USP49: variants seen among roughly 807,000 people sequenced by gnomAD.
USP49 encodes the protein ubiquitin carboxyl-terminal hydrolase 49.
A neutral mutation model predicts 58.6 loss-of-function variants in USP49; 24 were observed. That is an observed-to-expected ratio of 0.41 (90% CI 0.30 to 0.58). USP49 has a LOEUF of 0.58. USP49 is among the 20% of genes least tolerant of loss of function. USP49 has a pLI of 0.30. For synonymous variants in USP49, 408 were observed against 365.1 expected, an observed-to-expected ratio of 1.12 and a Z score of -1.34; for missense variants, 703 against 866.1, an observed-to-expected ratio of 0.81 and a Z score of 2.36.
Position 41,843,407 on chromosome 6 carries a change from A to G in USP49, c.-29+28157T>C, listed in dbSNP as rs138379911. The stretch of plus-strand genomic sequence containing the variant: ...CATCACGTTGGCTTTGTGTATAAGC[A>G]TTGCGTATGTCGGAAAAAAAGGTCG... On this transcript the variant is annotated intron_variant, in intron 3 of 7. Coordinates refer to ENST00000682992, the MANE Select transcript of USP49 (RefSeq NM_001286554.2). 3.2e-4 allele frequency among the ~76,000 whole-genome samples: 49 copies of G among 152,324 alleles called. No individual in the cohort carries two copies. In the East Asian group the frequency reaches 7.7e-3, roughly 24 times the overall value.
intron 3 of USP49, among the ~76,000 whole-genome samples, chr6:41,836,321 T>C (rs565773605): frequency 2.6e-5 from 4 of 152,286 alleles, no homozygotes; most frequent in Non-Finnish European, 5.9e-5. Flanking sequence ...AAATTCAACA[T>C]TGCTTCATGT....
At chr6:41,844,136 G>A (rs954120039) in intron 3 of USP49, among the ~76,000 whole-genome samples, 5 of 151,972 alleles carry the variant, frequency 3.3e-5, no homozygotes, top group Non-Finnish European at 5.9e-5. Flanking sequence ...CACAAGAACC[G>A]CTTAAACTCA....
intron 3 of USP49, among the ~76,000 whole-genome samples, chr6:41,833,181 G>A (rs563553616): frequency 7.3e-5 from 11 of 150,578 alleles, no homozygotes; most frequent in African/African-American, 2.2e-4. Flanking sequence ...CATGCCCGGC[G>A]AATTTTTTGT....
At chr6:41,857,258 G>A (rs1774146646) in intron 3 of USP49, among the ~76,000 whole-genome samples, 1 of 152,140 alleles carries the variant, frequency 6.6e-6, no homozygotes, top group South Asian at 2.1e-4. Flanking sequence ...GGAAGTAAAG[G>A]GAAAACACAC....
chr6:41,875,380 T>C (rs1481738041), intron 2 of USP49, among the ~76,000 whole-genome samples: 1 of 152,238 alleles, frequency 6.6e-6, no homozygotes, highest in East Asian at 1.9e-4. Flanking sequence ...TATTAACTTA[T>C]GCTGTATCTC....
intron 2 of USP49, among the ~76,000 whole-genome samples, chr6:41,882,321 T>C (rs139632997): frequency 3.5e-3 from 526 of 152,146 alleles, no homozygotes; most frequent in Non-Finnish European, 5.6e-3. Context: ...TGAGATAGAA[T>C]AGAAAGGTGA....
At chr6:41,821,108 A>G (rs1773445103) in intron 3 of USP49, among the ~76,000 whole-genome samples, 1 of 152,218 alleles carries the variant, frequency 6.6e-6, no homozygotes, top group South Asian at 2.1e-4. Flanking sequence ...CTATTCACAA[A>G]TTAGATAGGT....
chr6:41,801,799 G>A (rs908005025), intron 5 of USP49, among the ~76,000 whole-genome samples: 1 of 152,234 alleles, frequency 6.6e-6, no homozygotes, highest in African/African-American at 2.4e-5. Flanking sequence ...ACAGGCAACA[G>A]ATCAATGCAT....
intron 3 of USP49, among the ~76,000 whole-genome samples, chr6:41,867,121 T>A (rs1225317094): frequency 1.3e-5 from 2 of 152,206 alleles, no homozygotes; most frequent in Non-Finnish European, 2.9e-5. Context: ...GAATTGCTAT[T>A]TGAAGAAAAG....
intron 2 of USP49, among the ~76,000 whole-genome samples, chr6:41,888,568 T>A (rs777543190): frequency 2.0e-5 from 3 of 151,800 alleles, no homozygotes; most frequent in Non-Finnish European, 2.9e-5. Context: ...ATTCTCCAGC[T>A]TCAGCCTCCC....
At chr6:41,823,699 G>A (rs1773488907) in intron 3 of USP49, among the ~76,000 whole-genome samples, 1 of 152,116 alleles carries the variant, frequency 6.6e-6, no homozygotes, top group South Asian at 2.1e-4. Context: ...GAATTTGTGG[G>A]CAGACTCTCT....
At chr6:41,890,229 C>T (rs754256866) in intron 2 of USP49, among the ~76,000 whole-genome samples, 17 of 151,616 alleles carry the variant, frequency 1.1e-4, no homozygotes, top group Non-Finnish European at 1.9e-4. Flanking sequence ...AATACAAAAC[C>T]TTGGCTGGAT....
rs1177970647 is a variant in USP49, at chr6:41,791,111, A to C, written c.*5422T>G. On this transcript the variant is annotated 3_prime_UTR_variant, in exon 8 of 8. Coordinates refer to ENST00000682992, the MANE Select transcript of USP49 (RefSeq NM_001286554.2). ...TGGACAGTTTTGATAAAAACTTCCAAAATTGAAAATCAAAATCCAGCAAGA... is the reference window on the plus strand; with the variant it reads ...TGGACAGTTTTGATAAAAACTTCCACAATTGAAAATCAAAATCCAGCAAGA... 6.6e-6 allele frequency: 1 copy of C among 152,256 alleles called. No homozygotes were observed. Among genetic ancestry groups the C allele is most frequent in the Admixed American group, 6.5e-5 (1 of 15,292 alleles). 9.4% of individuals were successfully genotyped at this position (152,256 alleles called of 1,614,324 possible). A position where few individuals can be genotyped will look rare whatever the true frequency, so the allele number is the denominator to read the frequency against.
chr6:41,836,739 G>A (rs1371956632), intron 3 of USP49, among the ~76,000 whole-genome samples: 2 of 152,102 alleles, frequency 1.3e-5, no homozygotes, highest in African/African-American at 2.4e-5. Flanking sequence ...AACAACTTCA[G>A]TAAAGTTTCA....
rs772710803 is a variant in USP49 at position 41,802,432 on chromosome 6, A to ATTTTATTTTATTTTAT, written c.1561+1373_1561+1374insATAAAATAAAATAAAA. Among the ~76,000 whole-genome samples the ATTTTATTTTATTTTAT allele has an allele frequency of 3.9e-3, 230 of 58,726 alleles. 1 individual carries two copies. The highest frequency in any genetic ancestry group is 9.6e-3 in the Middle Eastern group (1 of 104). The allele number at this position is 58,726 out of a possible 152,430, so 38.5% of individuals were successfully genotyped here. On this transcript the variant is annotated intron_variant, in intron 5 of 7. Coordinates refer to ENST00000682992, the MANE Select transcript of USP49 (RefSeq NM_001286554.2). ...TTTTTATTTTATTTTATTTTATTTT[A>ATTTTATTTTATTTTAT]TTTATTTATTTATTTATTTATTTAT...
At chr6:41,868,876 GT>G (rs1163965333) in intron 3 of USP49, 1 of 152,184 alleles carries the variant, frequency 6.6e-6, no homozygotes, top group African/African-American at 2.4e-5. Flanking sequence ...CAATTCTCCT[GT>G]TTCAGCCTCC....
intron 2 of USP49, among the ~76,000 whole-genome samples, chr6:41,874,980 G>A (rs1409539688): frequency 6.6e-6 from 1 of 151,874 alleles, no homozygotes; most frequent in Non-Finnish European, 1.5e-5. Context: ...AAGAGAGAGA[G>A]AGAGAAAGAA....
chr6:41,868,710 A>G (rs1011906038), intron 3 of USP49: 2 of 152,080 alleles, frequency 1.3e-5, no homozygotes, highest in Admixed American at 1.3e-4. Flanking sequence ...TAATAATCTA[A>G]TCTACTCCAG....
chr6:41,860,456 C>T lies in USP49; in HGVS notation c.-29+11108G>A, dbSNP rs545643907. On this transcript the variant is annotated intron_variant, in intron 3 of 7. Transcript: ENST00000682992. The stretch of plus-strand genomic sequence containing the variant: ...ACTATTCGATGATATTAAGAAATTA[C>T]TATCAGTTTTTATATGCTTGAAAAT... Among the ~76,000 whole-genome samples the T allele has an allele frequency of 2.6e-5, 4 of 152,196 alleles. No individual in the cohort carries two copies. The South Asian group carries it at 8.3e-4, about 32-fold the overall frequency.
Sources: allele counts gnomAD v4.1 joint callset (sites outside exome capture counted in the v4.1 genomes callset), GRCh38; gene constraint gnomAD v4.1.1; transcripts MANE v1.5; gene names NCBI Gene and HGNC (gene_info 2026-07-23, HGNC 2026-07-21).